SLC24A3: variants seen among roughly 807,000 people sequenced by gnomAD.
The protein encoded by SLC24A3 is sodium/potassium/calcium exchanger 3.
In SLC24A3, 28 loss-of-function variants were observed where a neutral mutation model predicts 75.8. That is an observed-to-expected ratio of 0.37 (90% CI 0.27 to 0.51). The LOEUF is 0.51. SLC24A3 is among the 20% of genes least tolerant of loss of function. The pLI, the probability that SLC24A3 is intolerant of heterozygous loss-of-function variation, is 0.94. For synonymous variants in SLC24A3, 372 were observed against 334.1 expected (o/e 1.11, Z -1.24); for missense variants, 663 against 847.8 (o/e 0.78, Z 2.71).
At chr20:19,325,685 T>C (rs969566741) in intron 2 of SLC24A3, among the ~76,000 whole-genome samples, 10 of 150,032 alleles carry the variant, frequency 6.7e-5, no homozygotes, top group African/African-American at 2.5e-4. Context: ...TTTTTTTGTT[T>C]TTTTGTTTTT....
chr20:19,220,000 T>A (rs983610550), intron 1 of SLC24A3, among the ~76,000 whole-genome samples: 1 of 152,090 alleles, frequency 6.6e-6, no homozygotes, highest in Non-Finnish European at 1.5e-5. Context: ...GGGAGGTGGG[T>A]GGATTAGAAT....
chr20:19,693,898 T>C (rs6081709), intron 13 of SLC24A3: 55,249 of 152,896 alleles, frequency 0.36, 10,493 homozygotes, highest in African/African-American at 0.46. Context: ...CCCACATCAA[T>C]GGCATGGGGG....
chr20:19,652,566 C>G (rs2032219385), intron 6 of SLC24A3, among the ~76,000 whole-genome samples: 1 of 152,204 alleles, frequency 6.6e-6, no homozygotes, highest in Non-Finnish European at 1.5e-5. Flanking sequence ...ACAACCCTGT[C>G]ATGTGTGACT....
chr20:19,659,329 CA>C (rs1253305164), intron 7 of SLC24A3, among the ~76,000 whole-genome samples: 1 of 152,168 alleles, frequency 6.6e-6, no homozygotes, highest in Admixed American at 6.5e-5. Context: ...GAATGGAACC[CA>C]GGGGGATATG....
At chr20:19,587,324 C>T (rs936613835) in intron 6 of SLC24A3, among the ~76,000 whole-genome samples, 1 of 152,184 alleles carries the variant, frequency 6.6e-6, no homozygotes, top group African/African-American at 2.4e-5. Flanking sequence ...GCTCATCACT[C>T]ATTAGTAACG....
chr20:19,511,045 C>T (rs1416298518), intron 2 of SLC24A3, among the ~76,000 whole-genome samples: 10 of 152,252 alleles, frequency 6.6e-5, no homozygotes, highest in East Asian at 1.9e-4. Flanking sequence ...CGTCAGTGGA[C>T]GGAGCCCCCC....
intron 1 of SLC24A3, among the ~76,000 whole-genome samples, chr20:19,237,872 C>T (rs1420518679): frequency 3.9e-5 from 6 of 152,154 alleles, no homozygotes; most frequent in East Asian, 1.9e-4. Flanking sequence ...CTGAGTTTCA[C>T]GTCTGTCGGT....
At chr20:19,327,323 G>A (rs1360872557) in intron 2 of SLC24A3, among the ~76,000 whole-genome samples, 3 of 152,206 alleles carry the variant, frequency 2.0e-5, no homozygotes, top group Non-Finnish European at 4.4e-5. Context: ...TCAAGGCATT[G>A]GGTTGTCAAT....
chr20:19,420,361 G>A (rs1327430566), intron 2 of SLC24A3, among the ~76,000 whole-genome samples: 1 of 92,380 alleles, frequency 1.1e-5, no homozygotes, highest in Non-Finnish European at 2.0e-5. Flanking sequence ...GGATGGCTGG[G>A]TCAAATGGTA....
intron 1 of SLC24A3, among the ~76,000 whole-genome samples, chr20:19,258,101 C>T (rs761465): frequency 0.66 from 100,770 of 152,116 alleles, 34,189 homozygotes; most frequent in East Asian, 0.96. Flanking sequence ...TTTGGAATGC[C>T]GTTCCTAAAC....
chr20:19,666,927 C>T (rs1206667383), intron 8 of SLC24A3, among the ~76,000 whole-genome samples: 3 of 152,264 alleles, frequency 2.0e-5, no homozygotes, highest in Admixed American at 6.5e-5. Flanking sequence ...TGTGCATTCT[C>T]GTTACATATT....
At chr20:19,656,615 A>G (rs1297147980) in intron 7 of SLC24A3, among the ~76,000 whole-genome samples, 1 of 151,806 alleles carries the variant, frequency 6.6e-6, no homozygotes, top group African/African-American at 2.4e-5. Flanking sequence ...ATGATTTTTG[A>G]AAAAAATTTT....
chr20:19,643,691 T>A (rs941968894), intron 6 of SLC24A3, among the ~76,000 whole-genome samples: 3 of 152,226 alleles, frequency 2.0e-5, no homozygotes, highest in African/African-American at 4.8e-5. Context: ...CTCAGATGCA[T>A]AGTCTTAACT....
chr20:19,627,039 A>C (rs1347550223), intron 6 of SLC24A3, among the ~76,000 whole-genome samples: 1 of 152,238 alleles, frequency 6.6e-6, no homozygotes, highest in African/African-American at 2.4e-5. Flanking sequence ...AGATCTGCAG[A>C]TTGATCAGGA....
chr20:19,325,721 CAT>C (rs72580544), intron 2 of SLC24A3, among the ~76,000 whole-genome samples: 37,769 of 117,788 alleles, frequency 0.32, 6,378 homozygotes, highest in Middle Eastern at 0.51. Context: ...TGCAAATATG[CAT>C]ATATATATAT....
chr20:19,382,156 T>C (rs1316691124), intron 2 of SLC24A3, among the ~76,000 whole-genome samples: 1 of 152,246 alleles, frequency 6.6e-6, no homozygotes, highest in Non-Finnish European at 1.5e-5. Flanking sequence ...CCAATTTGTA[T>C]GATTCACTAC....
chr20:19,502,359 G>A (rs1225930171), intron 2 of SLC24A3, among the ~76,000 whole-genome samples: 4 of 152,136 alleles, frequency 2.6e-5, no homozygotes, highest in African/African-American at 7.2e-5. Flanking sequence ...ACGCGGCCCA[G>A]GGAAAACAAC....
At chr20:19,465,883 A>G (rs568049768) in intron 2 of SLC24A3, among the ~76,000 whole-genome samples, 1 of 152,312 alleles carries the variant, frequency 6.6e-6, no homozygotes, top group Non-Finnish European at 1.5e-5. Context: ...ATCCCAGGAT[A>G]ATTAAACCAG....
intron 3 of SLC24A3, among the ~76,000 whole-genome samples, chr20:19,557,666 G>T (rs2030811004): frequency 6.6e-6 from 1 of 152,152 alleles, no homozygotes; most frequent in Non-Finnish European, 1.5e-5. Flanking sequence ...TTCTGTCTGT[G>T]CATTAAGACA....
Sources: allele counts gnomAD v4.1 joint callset (sites outside exome capture counted in the v4.1 genomes callset), GRCh38; gene constraint gnomAD v4.1.1; transcripts MANE v1.5; gene names NCBI Gene and HGNC (gene_info 2026-07-23, HGNC 2026-07-21).